ATP6V0D2: variants seen among roughly 807,000 people sequenced by gnomAD.
The protein encoded by ATP6V0D2 is ATPase H+ transporting V0 subunit d2.
ATP6V0D2 carries 40 observed loss-of-function variants against 40.0 expected under a neutral mutation model. The observed-to-expected ratio is 1.00, with a 90% CI of 0.78 to 1.30. ATP6V0D2 has a LOEUF of 1.30. Among genes scored for constraint, ATP6V0D2 ranks in the 50% most tolerant of loss-of-function variants. The pLI is 0.00. For missense variants in ATP6V0D2, 470 were observed against 423.1 expected, an observed-to-expected ratio of 1.11 and a Z score of -0.97; for synonymous variants, 179 against 156.3, an observed-to-expected ratio of 1.15 and a Z score of -1.08.
At chr8:86,110,897 A>T (rs554793391) in intron 1 of ATP6V0D2, among the ~76,000 whole-genome samples, 2 of 152,276 alleles carry the variant, frequency 1.3e-5, no homozygotes, top group African/African-American at 4.8e-5. Context: ...CCAGGCAGGT[A>T]AATTTGGAAG....
intron 1 of ATP6V0D2, among the ~76,000 whole-genome samples, chr8:86,103,176 G>A (rs1818426149): frequency 6.6e-6 from 1 of 151,440 alleles, no homozygotes; most frequent in Non-Finnish European, 1.5e-5. Flanking sequence ...GGTCTCCAAT[G>A]GCACGATCTT....
At chr8:86,109,021 T>C (rs1202696677) in intron 1 of ATP6V0D2, among the ~76,000 whole-genome samples, 1 of 152,234 alleles carries the variant, frequency 6.6e-6, no homozygotes, top group Non-Finnish European at 1.5e-5. Flanking sequence ...TTGGAATATA[T>C]TCTATTTTCC....
intron 2 of ATP6V0D2, among the ~76,000 whole-genome samples, chr8:86,135,646 T>A (rs990040832): frequency 6.6e-6 from 1 of 152,204 alleles, no homozygotes; most frequent in African/African-American, 2.4e-5. Flanking sequence ...TTTTTTAATA[T>A]CCTAAAATTT....
In ATP6V0D2 at chr8:86,121,272, A is replaced by G. The variant is rs545127272; in HGVS notation, c.302+7392A>G. On this transcript the variant is annotated intron_variant, in intron 2 of 7. Transcript: ENST00000285393. The stretch of plus-strand genomic sequence containing the variant: ...CTGTAGACCTTAGAGGTTTATTACA[A>G]TAAGAAATGATATATGGCCAGACAC... Among the ~76,000 whole-genome samples the G allele has an allele frequency of 4.1e-4, 63 of 152,298 alleles. No homozygotes were observed. The Middle Eastern group carries it at 0.01, about 25-fold the overall frequency.
chr8:86,151,525 G>A lies in ATP6V0D2; in HGVS notation c.876G>A (p.Val292=). The A allele has an allele frequency of 6.2e-7, 1 of 1,607,962 alleles. No individual in the cohort carries two copies. Among genetic ancestry groups the A allele is most frequent in the Non-Finnish European group, 8.5e-7 (1 of 1,177,232 alleles). The part of the protein sequence containing the change: ...GGSGGKTLED[V]FYEREVQMNV... ...GTGGGGGAAAGACATTGGAGGACGT[G>A]TTTTACGAGCGTGAGGTATGATATA... The change falls in exon 7 of 8, where the codon GTG becomes GTA. Residue 292 remains valine (V), a synonymous_variant. Coordinates refer to ENST00000285393, the MANE Select transcript of ATP6V0D2 (RefSeq NM_152565.1).
rs189679338 is a variant in ATP6V0D2, at chr8:86,127,890, G to T, written c.303-11567G>T. Among the ~76,000 whole-genome samples the T allele has an allele frequency of 4.3e-3, 653 of 152,266 alleles. 1 individual carries two copies. The highest frequency in any genetic ancestry group is 0.024 in the Middle Eastern group (7 of 294). Reference sequence around the variant, plus strand: ...TGGATCTGGCCTCCTAGGTAGAAAGGAAACCTGTAGCAATCAAGGCCTGAT... The same window carrying T: ...TGGATCTGGCCTCCTAGGTAGAAAGTAAACCTGTAGCAATCAAGGCCTGAT... On this transcript the variant is annotated intron_variant, in intron 2 of 7. Transcript: ENST00000285393.
chr8:86,113,952 G>C, intron 2 of ATP6V0D2, 72 bp downstream of exon 2: 4 of 1,399,124 alleles, frequency 2.9e-6, no homozygotes, highest in Non-Finnish European at 3.8e-6. Context: ...TTACAGGGTG[G>C]GTATCAAGCC....
chr8:86,118,001 GT>G (rs1818613090), intron 2 of ATP6V0D2, among the ~76,000 whole-genome samples: 1 of 104,016 alleles, frequency 9.6e-6, no homozygotes, highest in African/African-American at 3.3e-5. Context: ...CTTTCTCTTT[GT>G]TTTCTTTCTT....
chr8:86,132,476 C>T (rs988900263), intron 2 of ATP6V0D2, among the ~76,000 whole-genome samples: 2 of 152,146 alleles, frequency 1.3e-5, no homozygotes, highest in Admixed American at 6.6e-5. Context: ...TCCTCTCCCC[C>T]TCCCTACCAC....
rs188734414 is a variant in ATP6V0D2, at chr8:86,101,447, G to A, written c.130+2339G>A. 7.8e-5 allele frequency among the ~76,000 whole-genome samples: 10 copies of A among 127,584 alleles called. No individual in the cohort carries two copies. The East Asian group carries it at 2.4e-3, about 31-fold the overall frequency. The allele number at this position is 127,584 out of a possible 152,430, so 83.7% of individuals were successfully genotyped here. On this transcript the variant is annotated intron_variant, in intron 1 of 7. Coordinates refer to ENST00000285393, the MANE Select transcript of ATP6V0D2 (RefSeq NM_152565.1). ...TGTGCTCCAGCCTGGGCGACAGAGTGAGACCCTGTCTCAGGAAAAAAAAAA... is the reference window on the plus strand; with the variant it reads ...TGTGCTCCAGCCTGGGCGACAGAGTAAGACCCTGTCTCAGGAAAAAAAAAA...
At chr8:86,113,573 T>G (rs1818553151) in intron 1 of ATP6V0D2, 136 bp from the exon 2 acceptor site, 2 of 713,190 alleles carry the variant, frequency 2.8e-6, no homozygotes, top group Non-Finnish European at 4.4e-6. Flanking sequence ...TAAATCATAT[T>G]TAGACCTTAT....
At chr8:86,144,612 CA>C (rs1819021536) in intron 5 of ATP6V0D2, among the ~76,000 whole-genome samples, 1 of 151,952 alleles carries the variant, frequency 6.6e-6, no homozygotes. Flanking sequence ...AAAAAGGAAA[CA>C]AAAAAGTTTT....
At chr8:86,142,619 A>G (rs540083593) in intron 4 of ATP6V0D2, among the ~76,000 whole-genome samples, 1 of 152,290 alleles carries the variant, frequency 6.6e-6, no homozygotes, top group South Asian at 2.1e-4. Context: ...ATAATCCAAA[A>G]CCATGCAAAA....
chr8:86,118,152 C>T (rs1818620683), intron 2 of ATP6V0D2, among the ~76,000 whole-genome samples: 1 of 145,078 alleles, frequency 6.9e-6, no homozygotes, highest in Non-Finnish European at 1.5e-5. Flanking sequence ...CCTCCGCCTC[C>T]CGGGTTCAAG....
intron 1 of ATP6V0D2, among the ~76,000 whole-genome samples, chr8:86,113,062 A>G (rs1233310717): frequency 6.6e-6 from 1 of 151,774 alleles, no homozygotes; most frequent in Non-Finnish European, 1.5e-5. Context: ...TGTATCCTCA[A>G]CAGTTTCCCA....
intron 2 of ATP6V0D2, among the ~76,000 whole-genome samples, chr8:86,130,017 A>AAAATAATAATC (rs1029570865): frequency 2.6e-5 from 4 of 151,630 alleles, no homozygotes; most frequent in African/African-American, 9.7e-5. Context: ...AAGAAAAAAG[A>AAAATAATAATC]AAATAATAAT....
rs186369535 is a variant in ATP6V0D2 at position 86,124,724 on chromosome 8, G to A, written c.302+10844G>A. On this transcript the variant is annotated intron_variant, in intron 2 of 7. Transcript: ENST00000285393. ...AAAAACAGAACCAGATACATAGTTT[G>A]TGAGGCCCGGTGCAAAATATAAAGC... Among the ~76,000 whole-genome samples, 604 of 152,238 alleles carry A rather than the reference G, an allele frequency of 4.0e-3. 5 individuals carry two copies. The highest frequency in any genetic ancestry group is 7.2e-3 in the Non-Finnish European group (493 of 68,012).
In ATP6V0D2 at chr8:86,099,002, C is replaced by T. The variant is rs1335192137; in HGVS notation, c.24C>T (p.Tyr8=). The change falls in exon 1 of 8, where the codon TAC becomes TAT. Residue 8 remains tyrosine (Y), a synonymous_variant. Coordinates refer to ENST00000285393, the MANE Select transcript of ATP6V0D2 (RefSeq NM_152565.1). The part of the protein sequence containing the change: MLEGAEL[Y]FNVDHGYLEG... ...CCATGCTCGAAGGTGCGGAGCTGTACTTCAACGTGGACCATGGCTACCTGG... is the reference window on the plus strand; with the variant it reads ...CCATGCTCGAAGGTGCGGAGCTGTATTTCAACGTGGACCATGGCTACCTGG... 2.5e-6 allele frequency: 4 copies of T among 1,613,996 alleles called. No individual in the cohort carries two copies. The highest frequency in any genetic ancestry group is 1.3e-5 in the African/African-American group (1 of 74,916).
At chr8:86,115,977 T>C (rs1313920767) in intron 2 of ATP6V0D2, among the ~76,000 whole-genome samples, 1 of 152,142 alleles carries the variant, frequency 6.6e-6, no homozygotes, top group Non-Finnish European at 1.5e-5. Context: ...TTATTGACAG[T>C]GGGCAAGAGC....
Sources: allele counts gnomAD v4.1 joint callset (sites outside exome capture counted in the v4.1 genomes callset), GRCh38; gene constraint gnomAD v4.1.1; transcripts MANE v1.5; gene names NCBI Gene and HGNC (gene_info 2026-07-23, HGNC 2026-07-21).